Variants in GRM7 observed in about 807,000 individuals in gnomAD.
GRM7 encodes metabotropic glutamate receptor 7.
Under a neutral mutation model 84.5 loss-of-function variants are expected in GRM7, and 35 were observed. That is an observed-to-expected ratio of 0.41 (90% CI 0.32 to 0.55). The LOEUF (loss-of-function observed/expected upper bound fraction) is 0.55, where lower values mean the gene tolerates loss of function less well. Among genes scored for constraint, GRM7 ranks in the 20% least tolerant of loss-of-function variants. The pLI is 0.19. For synonymous variants in GRM7, 487 were observed against 455.1 expected (o/e 1.07, Z -0.89); for missense variants, 1,003 against 1,194.6 (o/e 0.84, Z 2.36).
At chr3:7,383,417 T>C (rs1382900101) in intron 4 of GRM7, among the ~76,000 whole-genome samples, 1 of 152,186 alleles carries the variant, frequency 6.6e-6, no homozygotes, top group East Asian at 1.9e-4. Flanking sequence ...TCCAAACAGA[T>C]ATTTAAAAAT....
chr3:7,589,708 C>T (rs1032049177), intron 8 of GRM7, among the ~76,000 whole-genome samples: 9 of 152,130 alleles, frequency 5.9e-5, no homozygotes, highest in Admixed American at 2.0e-4. Flanking sequence ...GATTTTCCCA[C>T]AGAAATCCAG....
At chr3:6,877,658 G>A (rs116352361) in intron 1 of GRM7, among the ~76,000 whole-genome samples, 2,441 of 152,188 alleles carry the variant, frequency 0.016, 85 homozygotes, top group African/African-American at 0.056. Context: ...TTGACATTCC[G>A]CTTGTATGAG....
At chr3:7,579,501 GT>G in intron 8 of GRM7, 144 bp downstream of exon 8, 1 of 582,062 alleles carries the variant, frequency 1.7e-6, no homozygotes, top group South Asian at 2.6e-5. Context: ...TCAAGGTCTA[GT>G]AGGCTTCAAT....
At chr3:7,470,215 A>G (rs1056029536) in intron 7 of GRM7, among the ~76,000 whole-genome samples, 18 of 152,230 alleles carry the variant, frequency 1.2e-4, no homozygotes, top group Non-Finnish European at 2.4e-4. Context: ...TTCAGAAATT[A>G]GTTTCAATGT....
At chr3:7,329,494 C>G (rs1456695279) in intron 4 of GRM7, among the ~76,000 whole-genome samples, 1 of 152,176 alleles carries the variant, frequency 6.6e-6, no homozygotes, top group Non-Finnish European at 1.5e-5. Context: ...GGCTGCACTT[C>G]TCCTTGCCCT....
intron 1 of GRM7, among the ~76,000 whole-genome samples, chr3:7,123,635 AAGT>A (rs938800112): frequency 6.6e-6 from 1 of 152,022 alleles, no homozygotes; most frequent in African/African-American, 2.4e-5. Context: ...GAAAAAAAAA[AAGT>A]GGGATGCATT....
intron 4 of GRM7, among the ~76,000 whole-genome samples, chr3:7,332,861 G>C (rs1391617764): frequency 1.3e-5 from 2 of 152,034 alleles, no homozygotes; most frequent in Non-Finnish European, 2.9e-5. Flanking sequence ...CCTACTGGAT[G>C]GATGGTTTTT....
chr3:7,533,787 G>GAT (rs1701133356), intron 7 of GRM7, among the ~76,000 whole-genome samples: 1 of 152,148 alleles, frequency 6.6e-6, no homozygotes, highest in Non-Finnish European at 1.5e-5. Flanking sequence ...TAATGCCATG[G>GAT]CCTATGTTCA....
chr3:6,901,228 A>G (rs944612816), intron 1 of GRM7, among the ~76,000 whole-genome samples: 1 of 152,212 alleles, frequency 6.6e-6, no homozygotes, highest in Admixed American at 6.5e-5. Context: ...AACAAGATCC[A>G]TCTGAGAAGT....
intron 7 of GRM7, among the ~76,000 whole-genome samples, chr3:7,550,318 G>C (rs2197978): frequency 1 from 136,286 of 136,716 alleles, 67,929 homozygotes; most frequent in East Asian, 1. Flanking sequence ...CTCCCTTCCT[G>C]TCTTCCTCCC....
rs545685356 is a variant in GRM7, at chr3:7,335,501, T to C, written c.1033+28849T>C. On this transcript the variant is annotated intron_variant, in intron 4 of 9. Coordinates refer to ENST00000357716, the MANE Select transcript of GRM7 (RefSeq NM_000844.4). ...AATTTAAGCTCATACCTCAAGGAAC[T>C]AGAGAAACAAGAACAAACCAAAACC... Among the ~76,000 whole-genome samples, 116 of 151,828 alleles carry C rather than the reference T, an allele frequency of 7.6e-4. 1 individual carries two copies. In the South Asian group the frequency reaches 0.023, roughly 31 times the overall value.
intron 2 of GRM7, among the ~76,000 whole-genome samples, chr3:7,153,120 C>G (rs1433523505): frequency 7.0e-6 from 1 of 142,722 alleles, no homozygotes; most frequent in East Asian, 2.0e-4. Flanking sequence ...GCCCAGTAAG[C>G]TTGGTACTGT....
chr3:7,666,200 T>A (rs1385777436), intron 8 of GRM7, among the ~76,000 whole-genome samples: 2 of 152,096 alleles, frequency 1.3e-5, no homozygotes, highest in African/African-American at 4.8e-5. Flanking sequence ...TCAGAGAAAA[T>A]GCAAGAAGGT....
intron 7 of GRM7, among the ~76,000 whole-genome samples, chr3:7,501,611 C>CTTG (rs1376550668): frequency 5.3e-5 from 8 of 152,160 alleles, no homozygotes; most frequent in Non-Finnish European, 8.8e-5. Flanking sequence ...AATTCTAACA[C>CTTG]AGGACTTGAC....
intron 5 of GRM7, among the ~76,000 whole-genome samples, chr3:7,449,401 A>T (rs1446038690): frequency 1.3e-5 from 2 of 152,114 alleles, no homozygotes; most frequent in East Asian, 1.9e-4. Context: ...AGGTGAGTTT[A>T]TTTTTAAATA....
At position 6,863,458 on chromosome 3, in the gene GRM7, G is replaced by A. The variant is rs1230007625; in HGVS notation, c.519+1551G>A. Among the ~76,000 whole-genome samples, 1 of 152,140 alleles carries A rather than the reference G, an allele frequency of 6.6e-6. No homozygotes were observed. The highest frequency in any genetic ancestry group is 1.5e-5 in the Non-Finnish European group (1 of 68,026). Reference sequence around the variant, plus strand: ...TGTGAAGTTTGCATTCAGGAAAGAGGAGTGCCCATCCAAGGCTGCAGCTTG... The same window carrying A: ...TGTGAAGTTTGCATTCAGGAAAGAGAAGTGCCCATCCAAGGCTGCAGCTTG... On this transcript the variant is annotated intron_variant, in intron 1 of 9. Transcript: ENST00000357716. This position sits in a 1 kb window ranked among gnomAD's most constrained non-coding sequence, Gnocchi z 4.8.
chr3:6,884,285 A>G (rs1429212235), intron 1 of GRM7: 2 of 152,630 alleles, frequency 1.3e-5, no homozygotes, highest in Non-Finnish European at 2.9e-5. Flanking sequence ...CTGTCCAAAA[A>G]TGGAAGAAGC....
chr3:7,453,784 G>T (rs1301489453), intron 6 of GRM7, among the ~76,000 whole-genome samples: 3 of 152,200 alleles, frequency 2.0e-5, no homozygotes, highest in South Asian at 4.1e-4. Context: ...TACACAAAGG[G>T]TATAATCTAA....
chr3:7,264,315 A>C (rs925750946), intron 2 of GRM7, among the ~76,000 whole-genome samples: 1 of 152,204 alleles, frequency 6.6e-6, no homozygotes, highest in South Asian at 2.1e-4. Context: ...GTGCTCCACT[A>C]CAGACACTCC....
Sources: allele counts gnomAD v4.1 joint callset (sites outside exome capture counted in the v4.1 genomes callset), GRCh38; gene constraint gnomAD v4.1.1; non-coding constraint Gnocchi (gnomAD v3.1); transcripts MANE v1.5; gene names NCBI Gene and HGNC (gene_info 2026-07-23, HGNC 2026-07-21).